Variants in ZC3H7B observed in about 807,000 individuals in gnomAD.
The protein encoded by ZC3H7B is zinc finger CCCH domain-containing protein 7B.
In ZC3H7B, 35 loss-of-function variants were observed where a neutral mutation model predicts 116.0. The observed-to-expected ratio is 0.30, with a 90% CI of 0.23 to 0.40. ZC3H7B has a LOEUF of 0.40. ZC3H7B is among the 10% of genes least tolerant of loss of function. The pLI, the probability that ZC3H7B is intolerant of heterozygous loss-of-function variation, is 1.00. For missense variants in ZC3H7B, 1,011 were observed against 1,321.5 expected (o/e 0.77, Z 3.64); for synonymous variants, 502 against 545.6 (o/e 0.92, Z 1.11).
intron 5 of ZC3H7B, among the ~76,000 whole-genome samples, chr22:41,329,031 CAAAAAAAAAAA>C (rs905189346): frequency 2.2e-4 from 9 of 40,486 alleles, no homozygotes; most frequent in Non-Finnish European, 3.3e-4. Context: ...TACTAAAATA[CAAAAAAAAAAA>C]AAAAAAAAAA....
chr22:41,302,759 T>C lies in ZC3H7B; in HGVS notation c.-7+987T>C, dbSNP rs2035988339. 6.6e-6 allele frequency among the ~76,000 whole-genome samples: 1 copy of C among 151,876 alleles called. No individual in the cohort carries two copies. Among genetic ancestry groups the C allele is most frequent in the African/African-American group, 2.4e-5 (1 of 41,320 alleles). ...ATAATCATATAAAAACAGCTCACTC[T>C]GATAGAACCTGATGGCTGTATTGCC... is the stretch of plus-strand genomic sequence containing the variant. On this transcript the variant is annotated intron_variant, in intron 1 of 22. Transcript: ENST00000352645. The surrounding 1 kb of genome is among the most constrained non-coding windows in gnomAD (Gnocchi z 5.7).
At chr22:41,316,564 G>A (rs1395792200) in intron 1 of ZC3H7B, among the ~76,000 whole-genome samples, 1 of 147,834 alleles carries the variant, frequency 6.8e-6, no homozygotes, top group Non-Finnish European at 1.5e-5. Context: ...CGAAAGTGCT[G>A]GACTTAACAG....
In ZC3H7B at chr22:41,351,694, C is replaced by T. The variant is rs1465518322; in HGVS notation, c.2034+48C>T. 7 of 1,564,022 alleles carry T rather than the reference C, an allele frequency of 4.5e-6. No individual in the cohort carries two copies. The highest frequency in any genetic ancestry group is 6.1e-6 in the Non-Finnish European group (7 of 1,146,342). Reference sequence around the variant, plus strand: ...CATTATTCAGATTTTGTGAATTGTCCCCAAATTACAAACAGGAAGGCTCTA... The same window carrying T: ...CATTATTCAGATTTTGTGAATTGTCTCCAAATTACAAACAGGAAGGCTCTA... On this transcript the variant is annotated intron_variant, in intron 17 of 22. Transcript: ENST00000352645. The surrounding 1 kb of genome is among the most constrained non-coding windows in gnomAD (Gnocchi z 5.1).
intron 2 of ZC3H7B, among the ~76,000 whole-genome samples, chr22:41,322,023 T>G (rs865978343): frequency 1.3e-5 from 2 of 149,276 alleles, no homozygotes; most frequent in Non-Finnish European, 3.0e-5. Flanking sequence ...GTATTTTTAG[T>G]AGAGACGGGG....
intron 17 of ZC3H7B, among the ~76,000 whole-genome samples, chr22:41,352,811 C>T (rs2036669653): frequency 6.6e-6 from 1 of 152,112 alleles, no homozygotes; most frequent in South Asian, 2.1e-4. Context: ...GGCGTGGTGG[C>T]TGACGCCTGT....
chr22:41,322,931 G>A (rs544852478), intron 2 of ZC3H7B, among the ~76,000 whole-genome samples: 3 of 152,234 alleles, frequency 2.0e-5, no homozygotes, highest in South Asian at 2.1e-4. Context: ...TGTGCCCAGC[G>A]TACTCCCTTG....
chr22:41,328,296 T>C (rs536641724), intron 5 of ZC3H7B, among the ~76,000 whole-genome samples: 2 of 152,262 alleles, frequency 1.3e-5, no homozygotes, highest in South Asian at 4.2e-4. Context: ...GGGACCCAGT[T>C]AGGGTTAGTA....
Position 41,347,982 on chromosome 22 carries a change from C to G in ZC3H7B, c.1666-85C>G, listed in dbSNP as rs977940784. The G allele has an allele frequency of 7.0e-5, 83 of 1,187,928 alleles. No individual in the cohort carries two copies. In the African/African-American group the frequency reaches 1.1e-3, roughly 16 times the overall value. 73.6% of individuals were successfully genotyped at this position (1,187,928 alleles called of 1,614,324 possible). A position where few individuals can be genotyped will look rare whatever the true frequency, so the allele number is the denominator to read the frequency against. On this transcript the variant is annotated intron_variant, in intron 14 of 22. Coordinates refer to ENST00000352645, the MANE Select transcript of ZC3H7B (RefSeq NM_017590.6). ...CAGGGCTTGCAGGGACCCAGCTGTC[C>G]TTCCCCAGCTAGCTGTGTGGGGTCC...
intron 1 of ZC3H7B, among the ~76,000 whole-genome samples, chr22:41,313,264 G>T (rs1282136731): frequency 6.6e-6 from 1 of 151,730 alleles, no homozygotes; most frequent in African/African-American, 2.4e-5. Context: ...GACTACAGGC[G>T]CCCGCCACCA....
In ZC3H7B at chr22:41,357,614, T is replaced by G. The variant is rs1433525304; in HGVS notation, c.*185T>G. Reference sequence around the variant, plus strand: ...CCCGGTGTGCGTACCCAGGCGCACGTGCTGCAGCCCCCGGAGGCCCCGCTG... The same window carrying G: ...CCCGGTGTGCGTACCCAGGCGCACGGGCTGCAGCCCCCGGAGGCCCCGCTG... On this transcript the variant is annotated 3_prime_UTR_variant, in exon 23 of 23. Transcript: ENST00000352645. The surrounding 1 kb of genome is among the most constrained non-coding windows in gnomAD (Gnocchi z 5.4). 7 of 838,318 alleles carry G rather than the reference T, an allele frequency of 8.4e-6. No homozygotes were observed. The highest frequency in any genetic ancestry group is 7.4e-5 in the South Asian group (4 of 54,414). The allele number at this position is 838,318 out of a possible 1,614,324, so 51.9% of individuals were successfully genotyped here. A position where few individuals can be genotyped will look rare whatever the true frequency, so the allele number is the denominator to read the frequency against.
At position 41,355,459 on chromosome 22, in the gene ZC3H7B, C is replaced by G; in HGVS notation, c.2035-10C>G. On this transcript the variant is annotated splice_polypyrimidine_tract_variant and intron_variant, in intron 17 of 22. Transcript: ENST00000352645. ...CAGCTTCACCAACCCCCCTCCCCAT[C>G]CCCCCACAGGGTGCTCCGAGGACAC... 1.9e-6 allele frequency: 3 copies of G among 1,613,314 alleles called. No homozygotes were observed. The highest frequency in any genetic ancestry group is 1.1e-5 in the South Asian group (1 of 90,998).
intron 1 of ZC3H7B, among the ~76,000 whole-genome samples, chr22:41,315,275 C>CAAGG (rs1358789261): frequency 1.3e-5 from 2 of 151,550 alleles, no homozygotes; most frequent in Admixed American, 1.3e-4. Context: ...CTCCTGGGCA[C>CAAGG]AAGCAATCCT....
At chr22:41,317,081 G>T (rs868236507) in intron 1 of ZC3H7B, among the ~76,000 whole-genome samples, 3 of 151,544 alleles carry the variant, frequency 2.0e-5, no homozygotes, top group Non-Finnish European at 2.9e-5. Flanking sequence ...CTCGTTATCC[G>T]CCTGCCTCAG....
At chr22:41,309,738 C>G (rs1425200144) in intron 1 of ZC3H7B, among the ~76,000 whole-genome samples, 1 of 152,116 alleles carries the variant, frequency 6.6e-6, no homozygotes, top group African/African-American at 2.4e-5. Flanking sequence ...CCATGGATGA[C>G]AAGCTGCACC....
At chr22:41,341,183 C>T in intron 11 of ZC3H7B, 37 bp downstream of exon 11, 1 of 1,612,362 alleles carries the variant, frequency 6.2e-7, no homozygotes, top group Non-Finnish European at 8.5e-7. Context: ...CCTCTCATTC[C>T]CTGCTGGGGG....
chr22:41,323,897 T>C (rs1010348703), intron 2 of ZC3H7B, among the ~76,000 whole-genome samples: 2 of 152,100 alleles, frequency 1.3e-5, no homozygotes, highest in Non-Finnish European at 2.9e-5. Flanking sequence ...GGTGAAACCC[T>C]GTCTCTACTA....
At chr22:41,344,091 T>A (rs1042337970) in intron 13 of ZC3H7B, among the ~76,000 whole-genome samples, 3 of 152,216 alleles carry the variant, frequency 2.0e-5, no homozygotes, top group African/African-American at 7.2e-5. Context: ...TTCTTTCTGG[T>A]CCCAGCCAAG....
At chr22:41,326,621 C>T (rs1476967623) in intron 4 of ZC3H7B, among the ~76,000 whole-genome samples, 1 of 152,100 alleles carries the variant, frequency 6.6e-6, no homozygotes, top group Non-Finnish European at 1.5e-5. Context: ...CTTCCTCCTC[C>T]TCCTCCTCTC....
chr22:41,322,086 G>A (rs1386433261), intron 2 of ZC3H7B, among the ~76,000 whole-genome samples: 7 of 147,982 alleles, frequency 4.7e-5, no homozygotes, highest in Admixed American at 2.0e-4. Flanking sequence ...TGATCCGCCC[G>A]CCTCGGCCTC....
Sources: allele counts gnomAD v4.1 joint callset (sites outside exome capture counted in the v4.1 genomes callset), GRCh38; gene constraint gnomAD v4.1.1; non-coding constraint Gnocchi (gnomAD v3.1); transcripts MANE v1.5; gene names NCBI Gene and HGNC (gene_info 2026-07-23, HGNC 2026-07-21).